Variants in RIPOR2 observed in about 807,000 individuals in gnomAD.
The protein encoded by RIPOR2 is rho family-interacting cell polarization regulator 2.
Under a neutral mutation model 114.5 loss-of-function variants are expected in RIPOR2, and 39 were observed. The observed-to-expected ratio is 0.34, with a 90% CI of 0.26 to 0.44. The LOEUF is 0.44. RIPOR2 is among the 20% of genes least tolerant of loss of function. RIPOR2 has a pLI of 1.00. For missense variants in RIPOR2, 1,007 were observed against 1,255.1 expected, an observed-to-expected ratio of 0.80 and a Z score of 2.99; for synonymous variants, 445 against 484.4, an observed-to-expected ratio of 0.92 and a Z score of 1.07.
chr6:24,809,616 A>G (rs949690660), intron 21 of RIPOR2, 101 bp downstream of exon 21: 9 of 790,212 alleles, frequency 1.1e-5, no homozygotes, highest in Middle Eastern at 4.5e-4. Context: ...AACAGGGTAC[A>G]TGAAACTTCT....
chr6:24,888,191 C>A (rs887240793), intron 1 of RIPOR2, among the ~76,000 whole-genome samples: 1 of 152,138 alleles, frequency 6.6e-6, no homozygotes, highest in African/African-American at 2.4e-5. Flanking sequence ...CTTGGCTGAT[C>A]CAGCTGAGAG....
At chr6:24,993,425 A>G (rs891741962) in intron 1 of RIPOR2, among the ~76,000 whole-genome samples, 1 of 151,750 alleles carries the variant, frequency 6.6e-6, no homozygotes, top group Non-Finnish European at 1.5e-5. Flanking sequence ...TCTGTTTTCC[A>G]TTTGCTTGGT....
rs115631729 is a variant in RIPOR2 at position 24,824,896 on chromosome 6, C to T, written c.2868+330G>A. On this transcript the variant is annotated intron_variant, in intron 19 of 21. Transcript: ENST00000643898. ...ATATAATGAAGTAGATCAATATGTTCTATCGAGGAAAGAAAATAACCATGA... is the reference window on the plus strand; with the variant it reads ...ATATAATGAAGTAGATCAATATGTTTTATCGAGGAAAGAAAATAACCATGA... Among the ~76,000 whole-genome samples, 679 of 152,172 alleles carry T rather than the reference C, an allele frequency of 4.5e-3. 2 individuals carry two copies. Among genetic ancestry groups the T allele is most frequent in the Non-Finnish European group, 8.4e-3 (568 of 68,016 alleles).
intron 1 of RIPOR2, among the ~76,000 whole-genome samples, chr6:25,039,397 ACT>A (rs1463943746): frequency 2.0e-5 from 3 of 152,094 alleles, no homozygotes; most frequent in African/African-American, 7.2e-5. Context: ...ACTCACACTG[ACT>A]CTCATGCAGC....
At chr6:24,934,083 T>C (rs138449957) in intron 1 of RIPOR2, among the ~76,000 whole-genome samples, 6 of 152,282 alleles carry the variant, frequency 3.9e-5, no homozygotes, top group African/African-American at 1.4e-4. Context: ...GCAAAATTCC[T>C]ATAGGCAAAG....
intron 14 of RIPOR2, 50 bp downstream of exon 14, chr6:24,839,041 G>T: frequency 6.9e-7 from 1 of 1,440,948 alleles, no homozygotes; most frequent in Non-Finnish European, 9.5e-7. Flanking sequence ...AAGAACTACT[G>T]TATCAGCTGT....
chr6:24,818,519 G>A, intron 20 of RIPOR2, 23 bp downstream of exon 20: 3 of 1,496,190 alleles, frequency 2.0e-6, no homozygotes, highest in Non-Finnish European at 2.7e-6. Context: ...AGCTGCCAGG[G>A]GAGCTCCAAG....
chr6:25,011,475 T>C (rs1322960138), intron 1 of RIPOR2, among the ~76,000 whole-genome samples: 1 of 152,252 alleles, frequency 6.6e-6, no homozygotes, highest in Non-Finnish European at 1.5e-5. Context: ...CACATAGTCA[T>C]CAAACCACAG....
At chr6:24,847,539 CACAT>C in intron 12 of RIPOR2, 2 of 1,551,314 alleles carry the variant, frequency 1.3e-6, no homozygotes, top group East Asian at 4.9e-5. Flanking sequence ...AGGCCACACT[CACAT>C]AGAGCTCTAG....
intron 1 of RIPOR2, among the ~76,000 whole-genome samples, chr6:24,941,456 C>A (rs1772130722): frequency 6.6e-6 from 1 of 151,914 alleles, no homozygotes; most frequent in Non-Finnish European, 1.5e-5. Context: ...TACTATCTAG[C>A]TCTTTGACTA....
At chr6:24,947,392 C>T (rs1348635971) in intron 1 of RIPOR2, among the ~76,000 whole-genome samples, 2 of 152,202 alleles carry the variant, frequency 1.3e-5, no homozygotes, top group Non-Finnish European at 2.9e-5. Context: ...ATCACCATTC[C>T]TCTTTTGTGT....
At chr6:24,830,020 C>G (rs1392702073) in intron 17 of RIPOR2, among the ~76,000 whole-genome samples, 1 of 152,116 alleles carries the variant, frequency 6.6e-6, no homozygotes, top group Non-Finnish European at 1.5e-5. Context: ...GGCTGGAATG[C>G]AGTGGCGTGA....
intron 1 of RIPOR2, among the ~76,000 whole-genome samples, chr6:24,965,619 T>C (rs1773491712): frequency 6.6e-6 from 1 of 152,234 alleles, no homozygotes; most frequent in Non-Finnish European, 1.5e-5. Flanking sequence ...AATTACATGA[T>C]GCCTGAAGTC....
At chr6:24,839,765 A>T in intron 13 of RIPOR2, 1 of 1,430,178 alleles carries the variant, frequency 7.0e-7, no homozygotes, top group South Asian at 1.6e-5. Flanking sequence ...CAGTGAGTCA[A>T]TGCTGAATAC....
intron 1 of RIPOR2, among the ~76,000 whole-genome samples, chr6:25,012,112 C>A (rs1036542418): frequency 6.6e-6 from 1 of 151,918 alleles, no homozygotes; most frequent in Non-Finnish European, 1.5e-5. Flanking sequence ...ATGCAAATGG[C>A]TAATAATCAC....
intron 1 of RIPOR2, among the ~76,000 whole-genome samples, chr6:25,011,716 T>C (rs1375557672): frequency 1.3e-5 from 2 of 152,226 alleles, no homozygotes; most frequent in African/African-American, 4.8e-5. Flanking sequence ...TCTCACACCG[T>C]AGATAAATAC....
At chr6:24,968,080 A>AT (rs1773614869) in intron 1 of RIPOR2, among the ~76,000 whole-genome samples, 2 of 151,652 alleles carry the variant, frequency 1.3e-5, no homozygotes, top group African/African-American at 4.8e-5. Context: ...ACCTGGCTCT[A>AT]TTTTTAATAG....
chr6:24,840,079 A>T lies in RIPOR2; in HGVS notation c.1858-807T>A, dbSNP rs1447656666. 4.2e-6 allele frequency: 3 copies of T among 707,166 alleles called. No individual in the cohort carries two copies. The African/African-American group carries it at 5.9e-5, about 14-fold the overall frequency. The allele number at this position is 707,166 out of a possible 1,614,324, so 43.8% of individuals were successfully genotyped here. ...ATCCTCTCACCTTAGCCTCCCAGGT[A>T]GCTGAGACCACAGGCATGTGCCACC... On this transcript the variant is annotated intron_variant, in intron 13 of 21. Transcript: ENST00000643898.
Position 24,964,987 on chromosome 6 carries a change from C to T in RIPOR2, c.76+76864G>A, listed in dbSNP as rs528130706. 5.3e-5 allele frequency among the ~76,000 whole-genome samples: 8 copies of T among 152,102 alleles called. No individual in the cohort carries two copies. The South Asian group carries it at 6.2e-4, about 12-fold the overall frequency. ...TGCTCATTTTTGAATTGGGTTTTTACGTTCTTATTTCTAAGATTTGAGAGT... is the reference window on the plus strand; with the variant it reads ...TGCTCATTTTTGAATTGGGTTTTTATGTTCTTATTTCTAAGATTTGAGAGT... On this transcript the variant is annotated intron_variant, in intron 1 of 13. Transcript: ENST00000510784.
Sources: allele counts gnomAD v4.1 joint callset (sites outside exome capture counted in the v4.1 genomes callset), GRCh38; gene constraint gnomAD v4.1.1; transcripts MANE v1.5; gene names NCBI Gene and HGNC (gene_info 2026-07-23, HGNC 2026-07-21).